SCARB2: variants seen among roughly 807,000 people sequenced by gnomAD.
SCARB2 encodes the protein scavenger receptor class B member 2, also known as lysosome membrane protein 2.
In SCARB2, 29 loss-of-function variants were observed where a neutral mutation model predicts 58.6. That is an observed-to-expected ratio of 0.49 (90% CI 0.37 to 0.67). The LOEUF (loss-of-function observed/expected upper bound fraction) is 0.67, where lower values mean the gene tolerates loss of function less well. Among genes scored for constraint, SCARB2 ranks in the 30% least tolerant of loss-of-function variants. The probability of loss-of-function intolerance (pLI) is 0.00; values close to 1 mark genes in which losing one functional copy is unlikely to be tolerated. For missense variants in SCARB2, 488 were observed against 578.5 expected (o/e 0.84, Z 1.60); for synonymous variants, 195 against 210.1 (o/e 0.93, Z 0.62).
intron 1 of SCARB2, among the ~76,000 whole-genome samples, chr4:76,197,599 AAT>A (rs1373081304): frequency 6.6e-6 from 1 of 152,198 alleles, no homozygotes; most frequent in Non-Finnish European, 1.5e-5. Context: ...AGGCCTGATA[AAT>A]ACAGCGCCTG....
rs529766404 is a variant in SCARB2 at position 76,173,735 on chromosome 4, G to T, written c.994+409C>A. The T allele has an allele frequency of 1.6e-5, 4 of 257,670 alleles. 1 individual carries two copies. The highest frequency in any genetic ancestry group is 6.8e-5 in the African/African-American group (3 of 44,442). 16.0% of individuals were successfully genotyped at this position (257,670 alleles called of 1,614,324 possible). A position where few individuals can be genotyped will look rare whatever the true frequency, so the allele number is the denominator to read the frequency against. ...TAGGACAGTGACTGGCATACATCAG[G>T]TGCTTAGTAAACATGAGCTATTATT... is the stretch of plus-strand genomic sequence containing the variant. On this transcript the variant is annotated intron_variant, in intron 7 of 11. Coordinates refer to ENST00000264896, the MANE Select transcript of SCARB2 (RefSeq NM_005506.4).
At chr4:76,167,672 TC>T (rs57676252) in intron 9 of SCARB2, among the ~76,000 whole-genome samples, 19,119 of 50,782 alleles carry the variant, frequency 0.38, 2,195 homozygotes, top group East Asian at 0.77. Context: ...CCTCCCTCCC[TC>T]CCCCCCCCCG....
intron 8 of SCARB2, among the ~76,000 whole-genome samples, chr4:76,169,317 T>TACAC (rs1553947566): frequency 0.14 from 17,528 of 127,360 alleles, 1,306 homozygotes; most frequent in East Asian, 0.4. Flanking sequence ...ATGTGTATTA[T>TACAC]ACACACACAC....
intron 1 of SCARB2, among the ~76,000 whole-genome samples, chr4:76,211,075 C>G (rs1733034428): frequency 6.6e-6 from 1 of 152,158 alleles, no homozygotes; most frequent in Admixed American, 6.5e-5. Context: ...CTATTCTGTG[C>G]CTGATACTAT....
At chr4:76,220,000 T>C (rs1560726686) in intron 1 of SCARB2, among the ~76,000 whole-genome samples, 1 of 152,262 alleles carries the variant, frequency 6.6e-6, no homozygotes, top group East Asian at 1.9e-4. Flanking sequence ...CGTTTCAGAA[T>C]ATTAATGAGT....
intron 1 of SCARB2, among the ~76,000 whole-genome samples, chr4:76,229,489 T>C (rs62303008): frequency 0.39 from 59,024 of 152,088 alleles, 12,695 homozygotes; most frequent in Non-Finnish European, 0.49. Context: ...TGGAAAAAGC[T>C]GGAACTCAAG....
intron 2 of SCARB2, chr4:76,194,567 G>A (rs565505698): frequency 5.3e-5 from 8 of 152,300 alleles, no homozygotes; most frequent in Admixed American, 5.2e-4. Context: ...TCCCACCACT[G>A]AGAATAGTAC....
intron 1 of SCARB2, among the ~76,000 whole-genome samples, chr4:76,208,393 G>A (rs1318870507): frequency 6.6e-6 from 1 of 152,202 alleles, no homozygotes; most frequent in Non-Finnish European, 1.5e-5. Flanking sequence ...GGAAATTAAC[G>A]ACACTGCCTC....
intron 1 of SCARB2, among the ~76,000 whole-genome samples, chr4:76,204,460 CA>C (rs1364401224): frequency 2.0e-5 from 3 of 152,058 alleles, no homozygotes; most frequent in Admixed American, 2.0e-4. Context: ...ACATACAGGA[CA>C]ATATGGTGGA....
intron 1 of SCARB2, among the ~76,000 whole-genome samples, chr4:76,228,215 C>T (rs1382149833): frequency 6.6e-6 from 1 of 152,078 alleles, no homozygotes; most frequent in Non-Finnish European, 1.5e-5. Flanking sequence ...CAGTGGCTCA[C>T]ACCTGTAATC....
At chr4:76,228,310 T>C (rs1733434330) in intron 1 of SCARB2, among the ~76,000 whole-genome samples, 1 of 151,916 alleles carries the variant, frequency 6.6e-6, no homozygotes, top group Non-Finnish European at 1.5e-5. Flanking sequence ...TGAAACCCCA[T>C]CTCTACTAAA....
intron 9 of SCARB2, 67 bp from the exon 10 acceptor site, chr4:76,166,368 G>C (rs2109934427): frequency 2.0e-6 from 3 of 1,471,142 alleles, no homozygotes; most frequent in Non-Finnish European, 2.9e-6. Context: ...TTCCCGGACA[G>C]ACACATTTAT....
intron 11 of SCARB2, chr4:76,162,104 T>A (rs1445312967): frequency 3.3e-6 from 1 of 301,908 alleles, no homozygotes; most frequent in East Asian, 6.9e-5. Context: ...TCCTTGCTTG[T>A]TGAATATATG....
upstream of SCARB2, among the ~76,000 whole-genome samples, chr4:76,217,200 A>C (rs12498835): frequency 6.6e-6 from 1 of 152,186 alleles, no homozygotes; most frequent in Non-Finnish European, 1.5e-5. Flanking sequence ...CTTGCCAGCC[A>C]CTAATAACCC....
At chr4:76,165,140 T>A (rs1731975543) in intron 10 of SCARB2, 1 of 152,134 alleles carries the variant, frequency 6.6e-6, no homozygotes, top group Admixed American at 6.5e-5. Flanking sequence ...CCTTCTGCAT[T>A]TTCAAAAAGA....
intron 1 of SCARB2, among the ~76,000 whole-genome samples, chr4:76,201,228 T>C (rs186652385): frequency 9.5e-4 from 145 of 152,272 alleles, no homozygotes; most frequent in African/African-American, 3.5e-3. Context: ...GGTTCACTTC[T>C]ACTTGGGCTT....
chr4:76,232,425 G>A (rs1733509451), intron 1 of SCARB2, among the ~76,000 whole-genome samples: 1 of 152,102 alleles, frequency 6.6e-6, no homozygotes, highest in African/African-American at 2.4e-5. Context: ...CTCTTGAAAA[G>A]GATTAAAACA....
chr4:76,193,744 C>T (rs934640461), intron 2 of SCARB2: 6 of 152,184 alleles, frequency 3.9e-5, no homozygotes, highest in Admixed American at 3.9e-4. Context: ...TTTGATTTTA[C>T]AGGCTTATAG....
chr4:76,162,132 G>A lies in SCARB2; in HGVS notation c.1399-381C>T, dbSNP rs1234898853. 1.6e-5 allele frequency: 4 copies of A among 250,598 alleles called. No homozygotes were observed. In the East Asian group the frequency reaches 2.7e-4, roughly 17 times the overall value. 15.5% of individuals were successfully genotyped at this position (250,598 alleles called of 1,614,324 possible). A position where few individuals can be genotyped will look rare whatever the true frequency, so the allele number is the denominator to read the frequency against. Reference sequence around the variant, plus strand: ...AATATATGAGGAAGGTTAATTGTAGGAGCAGTAATTAACATTTCCATGAGG... The same window carrying A: ...AATATATGAGGAAGGTTAATTGTAGAAGCAGTAATTAACATTTCCATGAGG... On this transcript the variant is annotated intron_variant, in intron 11 of 11. Transcript: ENST00000264896.
Sources: gnomAD v4.1 joint callset for allele counts (sites outside exome capture counted in the v4.1 genomes callset) on GRCh38, gnomAD v4.1.1 for gene constraint, MANE v1.5 for transcripts, NCBI Gene and HGNC (gene_info 2026-07-23, HGNC 2026-07-21) for gene names.